Variants in UBE2F observed in about 807,000 individuals in gnomAD.
UBE2F encodes ubiquitin conjugating enzyme E2 F (putative).
Under a neutral mutation model 29.6 loss-of-function variants are expected in UBE2F, and 5 were observed. The ratio of observed to expected loss-of-function variants is 0.17; its 90% CI spans 0.09 to 0.36. The LOEUF (loss-of-function observed/expected upper bound fraction) is 0.36. Ranked by LOEUF, UBE2F falls within the 10% of genes least tolerant of loss-of-function variation. The pLI is 1.00. For missense variants in UBE2F, 141 were observed against 228.5 expected, an observed-to-expected ratio of 0.62 and a Z score of 2.47; for synonymous variants, 66 against 81.8, an observed-to-expected ratio of 0.81 and a Z score of 1.04.
At chr2:237,968,213 A>T (rs2063099829) in intron 1 of UBE2F, among the ~76,000 whole-genome samples, 1 of 151,970 alleles carries the variant, frequency 6.6e-6, no homozygotes, top group South Asian at 2.1e-4. Context: ...AGAGAGAGAG[A>T]TTGAGAGACA....
At chr2:238,038,753 C>T (rs192348666) in intron 9 of UBE2F, among the ~76,000 whole-genome samples, 54 of 152,364 alleles carry the variant, frequency 3.5e-4, no homozygotes, top group Non-Finnish European at 7.2e-4. Flanking sequence ...GCCGCCCCAT[C>T]CCCGTCTCCG....
At chr2:237,995,290 G>T (rs1295886111) in intron 4 of UBE2F, among the ~76,000 whole-genome samples, 1 of 152,232 alleles carries the variant, frequency 6.6e-6, no homozygotes, top group Non-Finnish European at 1.5e-5. Context: ...GAAGCAGACA[G>T]AAGATTACCA....
At chr2:237,975,886 C>CCGT (rs1285122556) in intron 2 of UBE2F, among the ~76,000 whole-genome samples, 1 of 151,682 alleles carries the variant, frequency 6.6e-6, no homozygotes, top group East Asian at 1.9e-4. Context: ...TGATTGCCTG[C>CCGT]CTTGACCTCC....
intron 2 of UBE2F, among the ~76,000 whole-genome samples, chr2:237,986,819 C>CTT (rs996954872): frequency 6.6e-6 from 1 of 152,084 alleles, no homozygotes; most frequent in African/African-American, 2.4e-5. Context: ...AATTAGTTGA[C>CTT]TTTTATATGC....
At chr2:237,990,222 G>C (rs1163880113) in intron 3 of UBE2F, among the ~76,000 whole-genome samples, 2 of 151,352 alleles carry the variant, frequency 1.3e-5, no homozygotes, top group Admixed American at 6.6e-5. Context: ...AATAACTGTG[G>C]GGGGGCAGGA....
At chr2:237,981,614 CTTTTTTTTTTTTTTTTT>C (rs139270010) in intron 2 of UBE2F, among the ~76,000 whole-genome samples, 1 of 62,396 alleles carries the variant, frequency 1.6e-5, no homozygotes, top group Non-Finnish European at 2.8e-5. Flanking sequence ...AATTTGAATT[CTTTTTTTTTTTTTTTTT>C]TTTTTTTTTT....
At position 238,016,583 on chromosome 2, in the gene UBE2F, G is replaced by A. The variant is rs1355357850; in HGVS notation, c.232G>A (p.Gly78Ser). The A allele has an allele frequency of 1.2e-6, 2 of 1,613,170 alleles. No individual in the cohort carries two copies. Among genetic ancestry groups the A allele is most frequent in the Non-Finnish European group, 1.7e-6 (2 of 1,179,654 alleles). The change falls in exon 5 of 10, where the codon GGT becomes AGT. Residue 78 changes from glycine (G) to serine (S), a missense_variant. Transcript: ENST00000272930. The stretch of plus-strand genomic sequence containing the variant: ...TTTGATAGATGAGGGTTACTACCAG[G>A]GTGGAAAATTTCAGTTTGAAACTGA... ...TVTPDEGYYQ[G>S]GKFQFETEVP...
At chr2:238,030,374 G>GTA (rs1213350041) in intron 6 of UBE2F, among the ~76,000 whole-genome samples, 182 bp from the exon 7 acceptor site, 1 of 152,152 alleles carries the variant, frequency 6.6e-6, no homozygotes, top group African/African-American at 2.4e-5. Flanking sequence ...AATTGAATAT[G>GTA]TATATAACCT....
chr2:237,999,172 TC>T (rs36078902), intron 4 of UBE2F, among the ~76,000 whole-genome samples: 130,450 of 151,912 alleles, frequency 0.86, 56,166 homozygotes, highest in East Asian at 0.97. Flanking sequence ...AATCTCTGCC[TC>T]CCAGATTCAG....
At chr2:237,985,048 G>A (rs1378986288) in intron 2 of UBE2F, among the ~76,000 whole-genome samples, 1 of 151,512 alleles carries the variant, frequency 6.6e-6, no homozygotes, top group Admixed American at 6.6e-5. Context: ...TGCCCAGGCT[G>A]GTCTCAAACT....
At chr2:237,980,179 A>G (rs2063352054) in intron 2 of UBE2F, among the ~76,000 whole-genome samples, 1 of 152,272 alleles carries the variant, frequency 6.6e-6, no homozygotes, top group African/African-American at 2.4e-5. Flanking sequence ...ACCTAGGTTG[A>G]AGGGCTCAGC....
At chr2:238,010,916 C>G (rs2064008606) in intron 4 of UBE2F, among the ~76,000 whole-genome samples, 1 of 152,168 alleles carries the variant, frequency 6.6e-6, no homozygotes, top group Non-Finnish European at 1.5e-5. Flanking sequence ...TCTGCCATTT[C>G]CATTGCAAGG....
At chr2:237,989,090 C>T (rs1290024643) in intron 3 of UBE2F, among the ~76,000 whole-genome samples, 1 of 152,158 alleles carries the variant, frequency 6.6e-6, no homozygotes, top group Non-Finnish European at 1.5e-5. Context: ...TTTTGAATTA[C>T]AACTTTTTAT....
At position 238,014,024 on chromosome 2, in the gene UBE2F, C is replaced by T. The variant is rs140930212; in HGVS notation, c.215-2542C>T. On this transcript the variant is annotated intron_variant, in intron 4 of 9. Coordinates refer to ENST00000272930, the MANE Select transcript of UBE2F (RefSeq NM_080678.3). The stretch of plus-strand genomic sequence containing the variant: ...CATTCTCAATGAGTCCACTACCTGC[C>T]GGCTGTGGAAGTGAGCAGGCCTTCC... Among the ~76,000 whole-genome samples the T allele has an allele frequency of 9.8e-4, 150 of 152,312 alleles. 1 individual carries two copies. The highest frequency in any genetic ancestry group is 3.5e-3 in the African/African-American group (146 of 41,556).
chr2:237,985,353 TC>T (rs2063460003), intron 2 of UBE2F, among the ~76,000 whole-genome samples: 1 of 152,042 alleles, frequency 6.6e-6, no homozygotes. Context: ...TAACTTTGTA[TC>T]CCCCCATTCT....
chr2:237,972,192 G>C (rs1239110528), intron 1 of UBE2F, among the ~76,000 whole-genome samples: 1 of 152,198 alleles, frequency 6.6e-6, no homozygotes, highest in Non-Finnish European at 1.5e-5. Context: ...ATGCAACACA[G>C]CATGAATAAA....
Position 237,982,674 on chromosome 2 carries a change from AAAT to A in UBE2F, c.119-5284_119-5282del, listed in dbSNP as rs1428947408. ...TTGTAAATTCTAATCAACAAAATAT[AAAT>A]AATACAGAATAAAATGTTAGTATTT... On this transcript the variant is annotated intron_variant, in intron 2 of 9. Transcript: ENST00000272930. This position sits in a 1 kb window ranked among gnomAD's most constrained non-coding sequence, Gnocchi z 4.1. 6.6e-6 allele frequency among the ~76,000 whole-genome samples: 1 copy of A among 152,210 alleles called. No homozygotes were observed. Among genetic ancestry groups the A allele is most frequent in the Non-Finnish European group, 1.5e-5 (1 of 68,036 alleles).
intron 3 of UBE2F, among the ~76,000 whole-genome samples, chr2:237,991,609 C>CTTTCTTTCTTTCTTTTTTTT (rs57180067): frequency 1.9e-5 from 1 of 53,054 alleles, no homozygotes; most frequent in South Asian, 6.0e-4. Context: ...TTCTTTCTTT[C>CTTTCTTTCTTTCTTTTTTTT]TTTTTTTTTT....
At chr2:238,036,000 G>C in intron 9 of UBE2F, 60 bp downstream of exon 9, 1 of 1,427,224 alleles carries the variant, frequency 7.0e-7, no homozygotes, top group East Asian at 2.3e-5. Context: ...GATTACTACT[G>C]TCTCTTGATT....
Sources: gnomAD v4.1 joint callset for allele counts (sites outside exome capture counted in the v4.1 genomes callset) on GRCh38, gnomAD v4.1.1 for gene constraint, Gnocchi (gnomAD v3.1) non-coding constraint, MANE v1.5 for transcripts, NCBI Gene and HGNC (gene_info 2026-07-23, HGNC 2026-07-21) for gene names.